TCERG1: variants seen among roughly 807,000 people sequenced by gnomAD.
The protein encoded by TCERG1 is TATA box binding protein (TBP)-associated factor, RNA polymerase II, S, 150kD.
A neutral mutation model predicts 144.7 loss-of-function variants in TCERG1; 37 were observed. The observed-to-expected ratio is 0.26, with a 90% CI of 0.20 to 0.34. TCERG1 has a LOEUF of 0.34. TCERG1 is among the 10% of genes least tolerant of loss of function. The pLI is 1.00. For missense variants in TCERG1, 1,027 were observed against 1,380.7 expected (o/e 0.74, Z 4.06); for synonymous variants, 492 against 458.2 (o/e 1.07, Z -0.94).
chr5:146,501,567 T>C (rs1033805163), intron 17 of TCERG1, among the ~76,000 whole-genome samples: 1 of 152,224 alleles, frequency 6.6e-6, no homozygotes, highest in Admixed American at 6.5e-5. Flanking sequence ...ATAACTTGCA[T>C]GTTTTATTTA....
At chr5:146,466,387 T>C (rs190790847) in intron 5 of TCERG1, among the ~76,000 whole-genome samples, 1 of 152,084 alleles carries the variant, frequency 6.6e-6, no homozygotes, top group Admixed American at 6.5e-5. Context: ...GTGGAAGAAT[T>C]AGGTAAAATA....
intron 15 of TCERG1, among the ~76,000 whole-genome samples, chr5:146,488,537 CAGTT>C (rs765664149): frequency 5.3e-5 from 8 of 152,072 alleles, no homozygotes; most frequent in Non-Finnish European, 7.4e-5. Flanking sequence ...GTGTCTCACT[CAGTT>C]AGGATGACTT....
intron 21 of TCERG1, 136 bp from the exon 22 acceptor site, chr5:146,509,009 C>T: frequency 2.0e-6 from 1 of 493,348 alleles, no homozygotes; most frequent in Non-Finnish European, 3.6e-6. Context: ...ACAAAATGTA[C>T]CCTGTTGCCT....
chr5:146,496,262 G>T (rs1028680932), intron 16 of TCERG1, among the ~76,000 whole-genome samples: 1 of 152,096 alleles, frequency 6.6e-6, no homozygotes, highest in African/African-American at 2.4e-5. Context: ...GGAGTTTGCT[G>T]AGCTTTTTGA....
intron 10 of TCERG1, among the ~76,000 whole-genome samples, chr5:146,478,972 G>A (rs1415775337): frequency 1.3e-5 from 2 of 151,846 alleles, no homozygotes; most frequent in Non-Finnish European, 2.9e-5. Context: ...TCCTCGGTGG[G>A]CCTTTTAGCA....
intron 15 of TCERG1, among the ~76,000 whole-genome samples, chr5:146,485,542 G>A (rs2150594506): frequency 6.6e-6 from 1 of 152,262 alleles, no homozygotes; most frequent in Non-Finnish European, 1.5e-5. Context: ...GAGAACTATA[G>A]TTCTTTCCCA....
chr5:146,479,274 A>C (rs1765126185), intron 10 of TCERG1, among the ~76,000 whole-genome samples: 1 of 152,170 alleles, frequency 6.6e-6, no homozygotes. Context: ...GTATAGAAGC[A>C]AGATAAATGA....
intron 17 of TCERG1, among the ~76,000 whole-genome samples, chr5:146,501,091 T>C (rs1767397396): frequency 6.6e-6 from 1 of 152,160 alleles, no homozygotes; most frequent in Admixed American, 6.5e-5. Context: ...TATATTATTA[T>C]AACCAATTTT....
intron 14 of TCERG1, among the ~76,000 whole-genome samples, chr5:146,483,213 A>G (rs918684557): frequency 2.0e-5 from 3 of 152,204 alleles, no homozygotes; most frequent in Non-Finnish European, 2.9e-5. Flanking sequence ...ATTGTTCACA[A>G]GATTGGAGCA....
chr5:146,509,368 T>C (rs1768271080), intron 22 of TCERG1, 123 bp downstream of exon 22: 2 of 639,900 alleles, frequency 3.1e-6, no homozygotes, highest in Non-Finnish European at 2.6e-6. Flanking sequence ...GATAAGAAGA[T>C]ACCAACTTCT....
chr5:146,459,825 C>T (rs1477776589), intron 4 of TCERG1, among the ~76,000 whole-genome samples: 1 of 152,096 alleles, frequency 6.6e-6, no homozygotes, highest in East Asian at 1.9e-4. Context: ...AGCAGGTTCA[C>T]AGGTAAGGAA....
At chr5:146,464,383 A>G (rs1030904501) in intron 5 of TCERG1, among the ~76,000 whole-genome samples, 3 of 152,220 alleles carry the variant, frequency 2.0e-5, no homozygotes, top group African/African-American at 7.2e-5. Context: ...TAACTATAAA[A>G]CAATTCATAT....
Position 146,511,826 on chromosome 5 carries a change from G to A in TCERG1, c.*1184G>A, listed in dbSNP as rs528333627. 3 of 151,762 alleles carry A rather than the reference G, an allele frequency of 2.0e-5. No homozygotes were observed. Among genetic ancestry groups the A allele is most frequent in the Non-Finnish European group, 4.4e-5 (3 of 67,950 alleles). The allele number at this position is 151,762 out of a possible 1,614,324, so 9.4% of individuals were successfully genotyped here. On this transcript the variant is annotated 3_prime_UTR_variant, in exon 23 of 23. Coordinates refer to ENST00000679501, the MANE Select transcript of TCERG1 (RefSeq NM_001382548.1). ...CTTTTTGGCATTCTTTCAACATGTC[G>A]TGTACATCACACCATGAATCAGTTC...
chr5:146,452,672 C>G (rs1762460848), intron 1 of TCERG1, among the ~76,000 whole-genome samples: 1 of 152,192 alleles, frequency 6.6e-6, no homozygotes, highest in Non-Finnish European at 1.5e-5. Flanking sequence ...TCACTGCAAC[C>G]TCCACTTCCC....
chr5:146,509,388 C>A, intron 22 of TCERG1, 143 bp downstream of exon 22: 9 of 490,372 alleles, frequency 1.8e-5, no homozygotes, highest in Admixed American at 4.1e-5. Flanking sequence ...TGTCCAAAGT[C>A]AAATACAGCC....
chr5:146,451,635 C>T (rs73315011), intron 1 of TCERG1, among the ~76,000 whole-genome samples: 2 of 151,002 alleles, frequency 1.3e-5, no homozygotes, highest in Non-Finnish European at 3.0e-5. Context: ...GCCCATATTC[C>T]TTTTTAACTC....
At chr5:146,465,121 A>G (rs1223855369) in intron 5 of TCERG1, among the ~76,000 whole-genome samples, 2 of 152,226 alleles carry the variant, frequency 1.3e-5, no homozygotes, top group African/African-American at 2.4e-5. Flanking sequence ...GCAGCTGGAT[A>G]CTTTTCTCTA....
At chr5:146,463,819 T>TTC in intron 5 of TCERG1, 26 bp downstream of exon 5, 1 of 1,613,442 alleles carries the variant, frequency 6.2e-7, no homozygotes, top group South Asian at 1.1e-5. Context: ...ATAATGGTCT[T>TTC]TCCAGCTATG....
chr5:146,509,982 T>A (rs1209658050), intron 22 of TCERG1: 1 of 1,204,628 alleles, frequency 8.3e-7, no homozygotes, highest in Non-Finnish European at 1.1e-6. Flanking sequence ...TCATTTGGAT[T>A]TTTTGGTCAG....
Sources: allele counts gnomAD v4.1 joint callset (sites outside exome capture counted in the v4.1 genomes callset), GRCh38; gene constraint gnomAD v4.1.1; transcripts MANE v1.5; gene names NCBI Gene and HGNC (gene_info 2026-07-23, HGNC 2026-07-21).